The following NBPF26 variants were observed in gnomAD, a reference collection of about 807,000 sequenced individuals.
NBPF26 encodes the protein NBPF member 26.
Under a neutral mutation model 119.6 loss-of-function variants are expected in NBPF26, and 79 were observed. The observed-to-expected ratio is 0.66, with a 90% confidence interval of 0.55 to 0.80. The LOEUF is 0.80. NBPF26 is among the 30% of genes least tolerant of loss of function. NBPF26 has a pLI of 0.00. For synonymous variants in NBPF26, 299 were observed against 457.7 expected (o/e 0.65, Z 4.43); for missense variants, 800 against 1,198.2 (o/e 0.67, Z 4.91).
Position 120,803,028 on chromosome 1 carries a change from G to C in NBPF26, c.752-2528G>C. ...GCAGTGCATGGAGATGGCTCAGCAG[G>C]ATGAGGGTAAATGCAGGGGCAAGTC... On this transcript the variant is annotated intron_variant, in intron 4 of 29. Coordinates refer to ENST00000620612, the Ensembl canonical transcript of NBPF26. Among the ~76,000 whole-genome samples, 2 of 83,676 alleles carry C rather than the reference G, an allele frequency of 2.4e-5. 1 individual carries two copies. Among genetic ancestry groups the C allele is most frequent in the East Asian group, 4.7e-4 (2 of 4,220 alleles). The allele number at this position is 83,676 out of a possible 152,430, so 54.9% of individuals were successfully genotyped here. A position where few individuals can be genotyped will look rare whatever the true frequency, so the allele number is the denominator to read the frequency against.
At chr1:120,805,173 C>A (rs1338789187) in intron 4 of NBPF26, among the ~76,000 whole-genome samples, 1 of 118,724 alleles carries the variant, frequency 8.4e-6, no homozygotes, top group Non-Finnish European at 1.6e-5. Context: ...GGAATGATCC[C>A]CATTGGTGGT....
intron 1 of NBPF26, among the ~76,000 whole-genome samples, chr1:120,752,565 T>A (rs1651034691): frequency 6.7e-5 from 2 of 29,946 alleles, no homozygotes; most frequent in African/African-American, 6.1e-4. Context: ...TTTTTTTTTT[T>A]TTTTTTTTTC....
At chr1:120,842,128 G>C (rs1407183455), downstream of NBPF26, among the ~76,000 whole-genome samples, 2 of 109,782 alleles carry the variant, frequency 1.8e-5, no homozygotes. Flanking sequence ...CTTTTGGATT[G>C]TTTTTTACAT....
At chr1:120,760,733 AAT>A (rs1202774455) in intron 1 of NBPF26, among the ~76,000 whole-genome samples, 12 of 105,818 alleles carry the variant, frequency 1.1e-4, no homozygotes, top group Middle Eastern at 3.6e-3. Flanking sequence ...TTATTCAGAC[AAT>A]ATGTTATCAT....
chr1:120,829,607 T>C (rs1337097338), intron 18 of NBPF26, among the ~76,000 whole-genome samples: 4 of 111,554 alleles, frequency 3.6e-5, no homozygotes, highest in South Asian at 2.9e-4. Flanking sequence ...GGAATCTCTA[T>C]GGTGATCAGC....
chr1:120,786,384 A>G (rs1413469199), intron 3 of NBPF26, among the ~76,000 whole-genome samples: 1 of 110,094 alleles, frequency 9.1e-6, no homozygotes, highest in African/African-American at 5.8e-5. Context: ...GGGCCATGTT[A>G]TCTCTCACCT....
rs1651836596 is a variant in NBPF26, at chr1:120,810,560, T to C, written c.1564+2T>C. ...AGGATGCTCTAAACATTCTCCCAGG[T>C]AGCCTCTATTTTCCTTGTGTCTCAT... On this transcript the variant is annotated splice_donor_variant, in intron 9 of 29. Coordinates refer to ENST00000620612, the Ensembl canonical transcript of NBPF26. LOFTEE classifies it high-confidence loss of function. 1.4e-6 allele frequency: 2 copies of C among 1,480,008 alleles called. No homozygotes were observed. Among genetic ancestry groups the C allele is most frequent in the Non-Finnish European group, 1.8e-6 (2 of 1,092,594 alleles). The allele number at this position is 1,480,008 out of a possible 1,614,324, so 91.7% of individuals were successfully genotyped here.
At position 120,823,965 on chromosome 1, in the gene NBPF26, CT is replaced by C; in HGVS notation, c.2640-5del. On this transcript the variant is annotated splice_region_variant and splice_polypyrimidine_tract_variant and intron_variant, in intron 17 of 29. Transcript: ENST00000620612. ...CTGGCTTATTCTTTACTTTTTCCCA[CT>C]TTTCCAGGCTCAGCAGAGAGCTGCT... 2.3e-5 allele frequency: 17 copies of C among 747,740 alleles called. No individual in the cohort carries two copies. The highest frequency in any genetic ancestry group is 3.1e-5 in the Non-Finnish European group (15 of 481,384). The allele number at this position is 747,740 out of a possible 1,614,324, so 46.3% of individuals were successfully genotyped here. A position where few individuals can be genotyped will look rare whatever the true frequency, so the allele number is the denominator to read the frequency against.
rs1651100711 is a variant in NBPF26, at chr1:120,758,583, A to G, written c.74-5045A>G. Among the ~76,000 whole-genome samples, 7 of 105,158 alleles carry G rather than the reference A, an allele frequency of 6.7e-5. 2 individuals are homozygous for G. In the South Asian group the frequency reaches 1.9e-3, roughly 29 times the overall value. 69.0% of individuals were successfully genotyped at this position (105,158 alleles called of 152,430 possible). A position where few individuals can be genotyped will look rare whatever the true frequency, so the allele number is the denominator to read the frequency against. On this transcript the variant is annotated intron_variant, in intron 1 of 29. Transcript: ENST00000620612. The stretch of plus-strand genomic sequence containing the variant: ...CTTTTTACTCACTGGACCATTTCAT[A>G]ATCTTGACTTTTCTCAAACATAAAT...
rs1553273560 is a variant in NBPF26 at position 120,840,545 on chromosome 1, G to A, written c.4299G>A (p.Val1433=). 4.8e-6 allele frequency: 7 copies of A among 1,468,246 alleles called. 1 individual carries two copies. Among genetic ancestry groups the A allele is most frequent in the Non-Finnish European group, 6.4e-6 (7 of 1,085,892 alleles). The allele number at this position is 1,468,246 out of a possible 1,614,324, so 91.0% of individuals were successfully genotyped here. A position where few individuals can be genotyped will look rare whatever the true frequency, so the allele number is the denominator to read the frequency against. ...ACAATAGGTTTTTTACTTTGACGGTGACAAGTCTCCACCTGGTGTTCCAGA... is the reference window on the plus strand; with the variant it reads ...ACAATAGGTTTTTTACTTTGACGGTAACAAGTCTCCACCTGGTGTTCCAGA... Residue 1433 remains valine (V), a synonymous_variant, in exon 30 of 30, where the codon GTG becomes GTA. Transcript: ENST00000620612.
chr1:120,817,906 G>T (rs1262979962), intron 14 of NBPF26, among the ~76,000 whole-genome samples: 1 of 115,004 alleles, frequency 8.7e-6, no homozygotes, highest in African/African-American at 5.2e-5. Context: ...TGGCATTATG[G>T]TCTACACATA....
exon 4 of NBPF26, chr1:120,793,466 G>A (rs1651518242): frequency 1.4e-6 from 2 of 1,426,980 alleles, no homozygotes; most frequent in South Asian, 1.2e-5. Flanking sequence ...GCAGACTGGT[G>A]ACTTCACTTT....
chr1:120,811,693 T>C (rs1651870790), intron 9 of NBPF26, among the ~76,000 whole-genome samples, 193 bp from the exon 10 acceptor site: 1 of 113,684 alleles, frequency 8.8e-6, no homozygotes, highest in African/African-American at 5.0e-5. Context: ...GTTTATGTCT[T>C]GGTTTCAAGG....
chr1:120,807,402 T>G (rs1236344450), intron 5 of NBPF26, among the ~76,000 whole-genome samples: 4 of 124,000 alleles, frequency 3.2e-5, no homozygotes, highest in Non-Finnish European at 3.3e-5. Flanking sequence ...CGCCCTTGAG[T>G]TTCTCTTTCT....
chr1:120,820,320 T>G (rs2101530626), intron 15 of NBPF26, among the ~76,000 whole-genome samples: 1 of 54,112 alleles, frequency 1.8e-5, no homozygotes, highest in Non-Finnish European at 3.7e-5. Flanking sequence ...GGGGGAGGGG[T>G]AGCATTAGGA....
chr1:120,842,042 T>C (rs1192150866), downstream of NBPF26, among the ~76,000 whole-genome samples: 13 of 98,548 alleles, frequency 1.3e-4, 2 homozygotes, highest in Admixed American at 3.0e-4. Flanking sequence ...AAGAAAACAT[T>C]CTCTGCCTGA....
chr1:120,769,868 C>A (rs1651241717), intron 2 of NBPF26, among the ~76,000 whole-genome samples: 2 of 106,934 alleles, frequency 1.9e-5, no homozygotes, highest in African/African-American at 8.6e-5. Context: ...GCCTTCTGTA[C>A]AGGGGCCGCC....
chr1:120,814,754 A>C, intron 11 of NBPF26, 75 bp from the exon 12 acceptor site: 1 of 970,152 alleles, frequency 1.0e-6, no homozygotes, highest in Non-Finnish European at 1.6e-6. Context: ...ATTGTCTCAG[A>C]AATCTCTGTT....
rs1651656742 is a variant in NBPF26, at chr1:120,805,415, C to A, written c.752-141C>A. The A allele has an allele frequency of 8.7e-6, 11 of 1,266,836 alleles. 2 individuals carry two copies. The South Asian group carries it at 1.5e-4, about 17-fold the overall frequency. The allele number at this position is 1,266,836 out of a possible 1,614,324, so 78.5% of individuals were successfully genotyped here. On this transcript the variant is annotated intron_variant, in intron 4 of 29. Transcript: ENST00000620612. Reference sequence around the variant, plus strand: ...GAACCTTGTTTTTGTGGTGAAGGATCCTAAAGTGCTGTGGGGAGTGATCAC... The same window carrying A: ...GAACCTTGTTTTTGTGGTGAAGGATACTAAAGTGCTGTGGGGAGTGATCAC...
Sources: gnomAD v4.1 joint callset for allele counts (sites outside exome capture counted in the v4.1 genomes callset) on GRCh38, gnomAD v4.1.1 for gene constraint, MANE v1.5 for transcripts, NCBI Gene and HGNC (gene_info 2026-07-23, HGNC 2026-07-21) for gene names.